SNAP91: variants seen among roughly 807,000 people sequenced by gnomAD.
SNAP91 encodes synaptosome associated protein 91.
Under a neutral mutation model 100.3 loss-of-function variants are expected in SNAP91, and 27 were observed. The observed-to-expected ratio is 0.27, with a 90% CI of 0.20 to 0.37. The LOEUF (loss-of-function observed/expected upper bound fraction) is 0.37, where lower values mean the gene tolerates loss of function less well. Among genes scored for constraint, SNAP91 ranks in the 10% least tolerant of loss-of-function variants. The pLI is 1.00. For synonymous variants in SNAP91, 404 were observed against 398.6 expected (o/e 1.01, Z -0.16); for missense variants, 986 against 1,123.7 (o/e 0.88, Z 1.75).
At position 83,553,659 on chromosome 6, in the gene SNAP91, T is replaced by C. The variant is rs1434223095; in HGVS notation, c.*637A>G. On this transcript the variant is annotated 3_prime_UTR_variant, in exon 30 of 30. Coordinates refer to ENST00000369694, the MANE Select transcript of SNAP91 (RefSeq NM_001242792.2). Reference sequence around the variant, plus strand: ...ATACGATTTTTCGTTCTTGATAAGGTAGCTTCAAAGAGAAGTATTTATTAT... The same window carrying C: ...ATACGATTTTTCGTTCTTGATAAGGCAGCTTCAAAGAGAAGTATTTATTAT... 1 of 152,152 alleles carries C rather than the reference T, an allele frequency of 6.6e-6. No individual in the cohort carries two copies. The highest frequency in any genetic ancestry group is 1.5e-5 in the Non-Finnish European group (1 of 68,030). 9.4% of individuals were successfully genotyped at this position (152,152 alleles called of 1,614,324 possible).
intron 7 of SNAP91, among the ~76,000 whole-genome samples, chr6:83,646,022 A>C (rs2097903977): frequency 6.6e-6 from 1 of 152,212 alleles, no homozygotes; most frequent in Non-Finnish European, 1.5e-5. Context: ...TAATATCTGC[A>C]TATCTTTGTT....
chr6:83,652,166 T>G (rs1390016353), intron 7 of SNAP91, among the ~76,000 whole-genome samples: 1 of 152,168 alleles, frequency 6.6e-6, no homozygotes, highest in Non-Finnish European at 1.5e-5. Context: ...AATCTCTGTC[T>G]TAATTGATGC....
intron 8 of SNAP91, among the ~76,000 whole-genome samples, chr6:83,629,995 G>C (rs1275412254): frequency 6.6e-6 from 1 of 152,066 alleles, no homozygotes; most frequent in African/African-American, 2.4e-5. Flanking sequence ...GTTTGTCATA[G>C]ATGGCTTTTA....
intron 2 of SNAP91, among the ~76,000 whole-genome samples, chr6:83,672,296 T>G (rs1398040403): frequency 1.3e-5 from 2 of 152,124 alleles, no homozygotes. Flanking sequence ...GCTTTGATTT[T>G]CTCTTCCATG....
chr6:83,650,257 A>G (rs2098138748), intron 7 of SNAP91, among the ~76,000 whole-genome samples: 1 of 152,198 alleles, frequency 6.6e-6, no homozygotes, highest in Admixed American at 6.5e-5. Flanking sequence ...TTCGGACATT[A>G]ATGTTGGAAG....
intron 2 of SNAP91, chr6:83,685,998 T>C (rs1456469682): frequency 5.8e-6 from 1 of 172,140 alleles, no homozygotes; most frequent in African/African-American, 2.4e-5. Context: ...TTACCTCACA[T>C]GTAAGCTCTA....
intron 2 of SNAP91, among the ~76,000 whole-genome samples, chr6:83,693,661 C>A (rs144598368): frequency 8.5e-5 from 13 of 152,274 alleles, no homozygotes; most frequent in African/African-American, 3.1e-4. Flanking sequence ...ATAACTGTCT[C>A]CACTAATGCA....
intron 2 of SNAP91, among the ~76,000 whole-genome samples, chr6:83,679,536 C>T (rs987642712): frequency 1.3e-5 from 2 of 152,042 alleles, no homozygotes; most frequent in African/African-American, 4.8e-5. Context: ...AAGCCCCAGG[C>T]CCCATCCCTA....
intron 13 of SNAP91, among the ~76,000 whole-genome samples, chr6:83,606,353 A>G (rs2095613596): frequency 6.6e-6 from 1 of 152,206 alleles, no homozygotes; most frequent in African/African-American, 2.4e-5. Context: ...TTTGCCTGTA[A>G]GAGGACTTAC....
intron 9 of SNAP91, among the ~76,000 whole-genome samples, chr6:83,620,388 G>A (rs2096664147): frequency 6.6e-6 from 1 of 152,180 alleles, no homozygotes; most frequent in African/African-American, 2.4e-5. Context: ...TCTTAGAAGA[G>A]TAGAACCGAA....
chr6:83,591,306 C>T lies in SNAP91; in HGVS notation c.1931-12G>A. 6.3e-7 allele frequency: 1 copy of T among 1,584,920 alleles called. No homozygotes were observed. Among genetic ancestry groups the T allele is most frequent in the Non-Finnish European group, 8.7e-7 (1 of 1,153,870 alleles). On this transcript the variant is annotated splice_polypyrimidine_tract_variant and intron_variant, in intron 21 of 29. Transcript: ENST00000369694. Reference sequence around the variant, plus strand: ...ACTTCCAAATGCATCTATCCGTTATCCATTGTGCAGCGGAAAAGTAAGAAA... The same window carrying T: ...ACTTCCAAATGCATCTATCCGTTATTCATTGTGCAGCGGAAAAGTAAGAAA...
intron 2 of SNAP91, among the ~76,000 whole-genome samples, chr6:83,698,415 T>C (rs1055197570): frequency 4.6e-5 from 7 of 151,820 alleles, no homozygotes; most frequent in African/African-American, 1.7e-4. Flanking sequence ...TGTGTTAATC[T>C]AAGTGGCTTA....
chr6:83,577,738 G>T (rs1014749200), intron 24 of SNAP91, among the ~76,000 whole-genome samples: 5 of 152,116 alleles, frequency 3.3e-5, no homozygotes, highest in African/African-American at 1.2e-4. Flanking sequence ...TTTTTCTTGA[G>T]ATATAATTCA....
chr6:83,690,427 G>A (rs1437511535), intron 2 of SNAP91: 2 of 1,288,138 alleles, frequency 1.6e-6, no homozygotes, highest in Middle Eastern at 2.1e-4. Context: ...TTGAAAGAAG[G>A]TTTGTAGGTC....
At chr6:83,582,854 G>A (rs187647430) in intron 22 of SNAP91, among the ~76,000 whole-genome samples, 166 of 152,186 alleles carry the variant, frequency 1.1e-3, no homozygotes, top group Middle Eastern at 6.8e-3. Context: ...GCAGGCCCCC[G>A]CAACCCTGCT....
chr6:83,592,501 G>C lies in SNAP91; in HGVS notation c.1884C>G (p.Ala628=). 6.2e-7 allele frequency: 1 copy of C among 1,611,378 alleles called. No individual in the cohort carries two copies. ...AFAAPSPATT[A]SPAKVDSSGV... is the part of the protein sequence containing the mutation. ...CTGAAGAATCCACCTTTGCTGGCGA[G>C]GCAGTGGTTGCAGGAGATGGTGCTG... is the stretch of plus-strand genomic sequence containing the variant. The change falls in exon 21 of 30, where the codon GCC becomes GCG. Residue 628 remains alanine (A), a synonymous_variant. Coordinates refer to ENST00000369694, the MANE Select transcript of SNAP91 (RefSeq NM_001242792.2).
At chr6:83,648,375 T>C (rs1029091848) in intron 7 of SNAP91, among the ~76,000 whole-genome samples, 1 of 151,848 alleles carries the variant, frequency 6.6e-6, no homozygotes, top group African/African-American at 2.4e-5. Flanking sequence ...ATTTAGTTTC[T>C]TTATGGTTTT....
chr6:83,648,311 A>C lies in SNAP91; in HGVS notation c.659-7109T>G, dbSNP rs554957193. Among the ~76,000 whole-genome samples, 3 of 152,284 alleles carry C rather than the reference A, an allele frequency of 2.0e-5. No homozygotes were observed. In the East Asian group the frequency reaches 5.8e-4, roughly 29 times the overall value. Reference sequence around the variant, plus strand: ...AGTTAATTCCTTTTTATTGTTGAATAGCATTGTATAATATGAATACATCTT... The same window carrying C: ...AGTTAATTCCTTTTTATTGTTGAATCGCATTGTATAATATGAATACATCTT... On this transcript the variant is annotated intron_variant, in intron 7 of 29. Transcript: ENST00000369694.
intron 2 of SNAP91, among the ~76,000 whole-genome samples, chr6:83,668,734 C>T (rs929574546): frequency 9.2e-5 from 14 of 151,722 alleles, no homozygotes; most frequent in Admixed American, 2.6e-4. Context: ...ATGTAAGTGA[C>T]GAGTAATTTT....
Sources: gnomAD v4.1 joint callset for allele counts (sites outside exome capture counted in the v4.1 genomes callset) on GRCh38, gnomAD v4.1.1 for gene constraint, MANE v1.5 for transcripts, NCBI Gene and HGNC (gene_info 2026-07-23, HGNC 2026-07-21) for gene names.